The following COPS4 variants were observed in gnomAD, a reference collection of about 807,000 sequenced individuals.
COPS4 encodes the protein COP9 signalosome complex subunit 4.
In COPS4, 8 loss-of-function variants were observed where a neutral mutation model predicts 55.1. That is an observed-to-expected ratio of 0.15 (90% confidence interval 0.09 to 0.26). COPS4 has a LOEUF of 0.26. COPS4 is among the 10% of genes least tolerant of loss of function. The pLI, the probability that COPS4 is intolerant of heterozygous loss-of-function variation, is 1.00. For synonymous variants in COPS4, 185 were observed against 165.7 expected (o/e 1.12, Z -0.90); for missense variants, 248 against 484.0 (o/e 0.51, Z 4.58).
intron 9 of COPS4, chr4:83,073,198 TC>T (rs772910464): frequency 2.0e-5 from 13 of 662,110 alleles, no homozygotes; most frequent in South Asian, 1.8e-4. Flanking sequence ...ATTCCTTCCT[TC>T]CCCCAGCTTC....
intron 6 of COPS4, among the ~76,000 whole-genome samples, chr4:83,062,515 A>G (rs1488751199): frequency 6.6e-6 from 1 of 152,208 alleles, no homozygotes; most frequent in Non-Finnish European, 1.5e-5. Flanking sequence ...GAGGTTGAAC[A>G]TGTAGATTCC....
chr4:83,070,693 C>A (rs1731403682), intron 9 of COPS4, among the ~76,000 whole-genome samples: 1 of 152,086 alleles, frequency 6.6e-6, no homozygotes, highest in Non-Finnish European at 1.5e-5. Context: ...TAACCTCTTT[C>A]TTTCCTTCTC....
rs527386855 is a variant in COPS4 at position 83,075,401 on chromosome 4, C to G, written c.1192C>G (p.Gln398Glu). The G allele has an allele frequency of 1.2e-6, 2 of 1,614,130 alleles. No homozygotes were observed. Among genetic ancestry groups the G allele is most frequent in the East Asian group, 2.2e-5 (1 of 44,880 alleles). The change falls in exon 10 of 10, where the codon CAA becomes GAA. Residue 398 changes from glutamine to glutamate, a missense_variant. Transcript: ENST00000264389. ...TCAAACAGCACCAGAATGGACAGCA[C>G]AAGCCATGGAAGCCCAGATGGCTCA... is the stretch of plus-strand genomic sequence containing the variant. ...ISQTAPEWTA[Q>E]AMEAQMAQ
chr4:83,071,197 G>T (rs1731421089), intron 9 of COPS4, among the ~76,000 whole-genome samples: 1 of 152,100 alleles, frequency 6.6e-6, no homozygotes, highest in South Asian at 2.1e-4. Context: ...AAGCTTCCTG[G>T]TGATAGGTAT....
Position 83,056,962 on chromosome 4 carries a change from G to T in COPS4, c.447G>T (p.Leu149Phe), listed in dbSNP as rs759418538. ...YNVDYKLETY[L>F]KIARLYLEDD... ...TAGATTATAAACTGGAGACTTACTT[G>T]AAGATTGCTAGGCTATATCTGGAGG... The change falls in exon 5 of 10, where the codon TTG becomes TTT. Residue 149 changes from leucine (L) to phenylalanine (F), a missense_variant. Physicochemically the swap from Leu to Phe is conservative, Grantham distance 22. Around this residue, in one of 4 missense-constraint regions of COPS4, gnomAD observed 155 missense variants for 326.6 expected, o/e 0.47. Transcript: ENST00000264389. 1 of 1,613,306 alleles carries T rather than the reference G, an allele frequency of 6.2e-7. No individual in the cohort carries two copies. The highest frequency in any genetic ancestry group is 8.5e-7 in the Non-Finnish European group (1 of 1,179,274).
intron 2 of COPS4, among the ~76,000 whole-genome samples, chr4:83,047,961 A>T (rs1354667105): frequency 3.3e-5 from 5 of 151,896 alleles, no homozygotes; most frequent in Non-Finnish European, 7.4e-5. Context: ...AGATGGTGCC[A>T]CTGCACTCCA....
chr4:83,039,229 T>G (rs1730500441), intron 1 of COPS4, among the ~76,000 whole-genome samples: 1 of 152,170 alleles, frequency 6.6e-6, no homozygotes, highest in Non-Finnish European at 1.5e-5. Flanking sequence ...TAGGCAGCTC[T>G]GCTTCTGTGG....
intron 1 of COPS4, among the ~76,000 whole-genome samples, chr4:83,038,045 C>CT (rs1236578300): frequency 2.6e-5 from 4 of 152,188 alleles, no homozygotes; most frequent in Non-Finnish European, 5.9e-5. Context: ...TTATAGGCTG[C>CT]TTTTGTGCAT....
intron 7 of COPS4, among the ~76,000 whole-genome samples, chr4:83,065,340 G>A (rs1731269972): frequency 1.3e-5 from 2 of 152,286 alleles, no homozygotes; most frequent in Admixed American, 6.5e-5. Context: ...AGGATAAAAA[G>A]AGATGAAGGT....
chr4:83,056,092 G>A (rs570502950), intron 4 of COPS4, among the ~76,000 whole-genome samples: 1 of 151,688 alleles, frequency 6.6e-6, no homozygotes, highest in East Asian at 2.0e-4. Flanking sequence ...AACCATGCCC[G>A]GCTAATTTTT....
intron 7 of COPS4, chr4:83,065,046 A>G (rs1411117621): frequency 1.5e-6 from 1 of 687,306 alleles, no homozygotes; most frequent in Non-Finnish European, 2.6e-6. Flanking sequence ...GCTAATTTTT[A>G]AATTTTTTTG....
chr4:83,071,458 G>A (rs1172258333), intron 9 of COPS4, among the ~76,000 whole-genome samples: 3 of 151,812 alleles, frequency 2.0e-5, no homozygotes, highest in Admixed American at 6.6e-5. Context: ...TCGCTGTGTT[G>A]CCCAGGCTGA....
chr4:83,038,865 G>A (rs1310693546), intron 1 of COPS4, among the ~76,000 whole-genome samples: 3 of 152,018 alleles, frequency 2.0e-5, no homozygotes, highest in African/African-American at 2.4e-5. Flanking sequence ...GGATGGTCTC[G>A]ATCTTTTGAC....
chr4:83,035,386 C>A, intron 1 of COPS4, 88 bp downstream of exon 1: 2 of 1,159,232 alleles, frequency 1.7e-6, no homozygotes, highest in East Asian at 3.6e-5. Flanking sequence ...GGCTCTTGGG[C>A]GTGAAGCTAG....
intron 7 of COPS4, chr4:83,065,170 C>G: frequency 2.1e-6 from 1 of 478,194 alleles, no homozygotes; most frequent in Non-Finnish European, 3.7e-6. Context: ...GCCACTGCAC[C>G]TGCCTGCTTT....
chr4:83,071,989 C>T (rs902771788), intron 9 of COPS4, among the ~76,000 whole-genome samples: 2 of 152,162 alleles, frequency 1.3e-5, no homozygotes, highest in Admixed American at 6.5e-5. Context: ...GGATTACAGA[C>T]GTGAGCTACC....
intron 4 of COPS4, among the ~76,000 whole-genome samples, chr4:83,054,993 G>T (rs76164871): frequency 7.6e-4 from 116 of 152,332 alleles, no homozygotes; most frequent in Non-Finnish European, 1.5e-3. Context: ...AATTTGAATT[G>T]TGAATGGAAA....
Position 83,049,332 on chromosome 4 carries a change from A to T in COPS4, c.306+15A>T, listed in dbSNP as rs746622633. The T allele has an allele frequency of 1.6e-5, 25 of 1,561,964 alleles. No individual in the cohort carries two copies. The highest frequency in any genetic ancestry group is 2.1e-5 in the Non-Finnish European group (24 of 1,160,604). On this transcript the variant is annotated intron_variant, in intron 3 of 9. Transcript: ENST00000264389. ...TTGAGGAGCAGGTAAAAATCTAGAG[A>T]AGTGGTTTTTTAACTTGAGATAGCA...
chr4:83,074,268 G>A (rs2126135922), intron 9 of COPS4, among the ~76,000 whole-genome samples: 1 of 152,266 alleles, frequency 6.6e-6, no homozygotes, highest in East Asian at 1.9e-4. Flanking sequence ...TGTTGTGGTT[G>A]AGGTTGTTGG....
Sources: allele counts gnomAD v4.1 joint callset (sites outside exome capture counted in the v4.1 genomes callset), GRCh38; gene constraint gnomAD v4.1.1; regional missense constraint gnomAD v4.1.1; transcripts MANE v1.5; gene names NCBI Gene and HGNC (gene_info 2026-07-23, HGNC 2026-07-21).